The following AR variants were observed in gnomAD, a reference collection of about 807,000 sequenced individuals.
The protein encoded by AR is androgen receptor.
A neutral mutation model predicts 53.9 loss-of-function variants in AR; 8 were observed. The ratio of observed to expected loss-of-function variants is 0.15; its 90% CI spans 0.09 to 0.27. The LOEUF is 0.27. Ranked by LOEUF, AR falls within the 10% of genes least tolerant of loss-of-function variation. The pLI, the probability that AR is intolerant of heterozygous loss-of-function variation, is 1.00. For synonymous variants in AR, 359 were observed against 316.4 expected, an observed-to-expected ratio of 1.13 and a Z score of -1.43; for missense variants, 639 against 742.5, an observed-to-expected ratio of 0.86 and a Z score of 1.62.
intron 3 of AR, among the ~76,000 whole-genome samples, chrX:67,691,678 A>G (rs916555088): frequency 1.5e-4 from 17 of 112,183 alleles, no homozygotes; most frequent in African/African-American, 5.5e-4. Flanking sequence ...AGCTCAGGTC[A>G]TCATTTTGCA....
chrX:67,651,204 CTTT>C (rs60224900), intron 2 of AR, among the ~76,000 whole-genome samples: 18 of 93,530 alleles, frequency 1.9e-4, no homozygotes, highest in Non-Finnish European at 3.8e-4. Flanking sequence ...CCACACCCAG[CTTT>C]TTTTTTTTTT....
At chrX:67,678,834 C>T (rs1002865885) in intron 2 of AR, among the ~76,000 whole-genome samples, 1 of 111,259 alleles carries the variant, frequency 9.0e-6, no homozygotes, top group Non-Finnish European at 1.9e-5. Flanking sequence ...AAGTCAAACT[C>T]ATAGAAGCAG....
intron 1 of AR, among the ~76,000 whole-genome samples, chrX:67,623,497 A>G (rs1341248568): frequency 2.7e-5 from 3 of 111,962 alleles, no homozygotes; most frequent in Non-Finnish European, 5.6e-5. Context: ...AAGCTAAAGC[A>G]GTACTTAAAG....
intron 2 of AR, among the ~76,000 whole-genome samples, chrX:67,663,051 A>G (rs1384765438): frequency 9.0e-6 from 1 of 111,682 alleles, no homozygotes; most frequent in Non-Finnish European, 1.9e-5. Flanking sequence ...TGAATACAGC[A>G]CACTGATGGG....
At chrX:67,716,327 T>G (rs760813700) in intron 4 of AR, among the ~76,000 whole-genome samples, 3 of 112,259 alleles carry the variant, frequency 2.7e-5, no homozygotes, top group South Asian at 3.7e-4. Context: ...AAGAAGAATC[T>G]TTAAGCCTTC....
chrX:67,553,730 T>C (rs1366282304), intron 1 of AR, among the ~76,000 whole-genome samples: 2 of 112,550 alleles, frequency 1.8e-5, no homozygotes, highest in South Asian at 3.6e-4. Context: ...TTGTCAACAA[T>C]TTTTATTGTT....
chrX:67,555,397 A>G (rs1569268022), intron 1 of AR, among the ~76,000 whole-genome samples: 1 of 112,157 alleles, frequency 8.9e-6, no homozygotes, highest in East Asian at 2.8e-4. Context: ...ATTTCTGCTT[A>G]TTCAATAGTG....
intron 2 of AR, among the ~76,000 whole-genome samples, chrX:67,671,884 G>A (rs564896715): frequency 3.9e-4 from 44 of 111,594 alleles, no homozygotes; most frequent in African/African-American, 1.4e-3. Context: ...TTTTTGTCAA[G>A]TTTGTCAAAG....
intron 7 of AR, among the ~76,000 whole-genome samples, chrX:67,723,353 T>TGTGTGTGTGTGA (rs2076144721): frequency 4.2e-5 from 4 of 95,044 alleles, no homozygotes; most frequent in African/African-American, 1.8e-4. Context: ...TGTGTGTGTG[T>TGTGTGTGTGTGA]CAGAGAGAGA....
intron 1 of AR, among the ~76,000 whole-genome samples, chrX:67,577,156 C>A (rs1346439236): frequency 1.8e-5 from 2 of 109,535 alleles, no homozygotes. Flanking sequence ...TAGGCAAGCA[C>A]AAATGTACTT....
intron 2 of AR, among the ~76,000 whole-genome samples, chrX:67,678,430 A>C (rs186739463): frequency 6.2e-5 from 7 of 112,317 alleles, no homozygotes; most frequent in Admixed American, 4.7e-4. Flanking sequence ...TTCACTTAGC[A>C]TAATGTCTTC....
At position 67,714,443 on chromosome X, in the gene AR, A is replaced by G. The variant is rs2147527745; in HGVS notation, c.2173+2754A>G. ...ATTTTAGCTACCACTTGCCTTGCCT[A>G]GAAGCTCATGCATGGACCCCAAGGT... On this transcript the variant is annotated intron_variant, in intron 4 of 7. Coordinates refer to ENST00000374690, the MANE Select transcript of AR (RefSeq NM_000044.6). Among the ~76,000 whole-genome samples, 2 of 111,931 alleles carry G rather than the reference A, an allele frequency of 1.8e-5. 1 individual carries two copies. Among genetic ancestry groups the G allele is most frequent in the Admixed American group, 1.9e-4 (2 of 10,502 alleles).
At chrX:67,636,549 C>A (rs1451893530) in intron 1 of AR, among the ~76,000 whole-genome samples, 1 of 111,519 alleles carries the variant, frequency 9.0e-6, no homozygotes. Context: ...AATTATTTTT[C>A]TCCTGTCAGT....
intron 1 of AR, among the ~76,000 whole-genome samples, chrX:67,631,634 T>C: frequency 8.9e-6 from 1 of 112,722 alleles, no homozygotes; most frequent in Middle Eastern, 4.6e-3. Context: ...CCTTCTTCTC[T>C]CATCTCATCA....
intron 3 of AR, among the ~76,000 whole-genome samples, chrX:67,691,663 C>T (rs991246746): frequency 2.7e-5 from 3 of 111,982 alleles, no homozygotes; most frequent in African/African-American, 9.7e-5. Context: ...AATACCTATA[C>T]CTCTAGCTCA....
chrX:67,670,810 C>G (rs1296017018), intron 2 of AR, among the ~76,000 whole-genome samples: 3 of 110,532 alleles, frequency 2.7e-5, no homozygotes, highest in Non-Finnish European at 5.7e-5. Context: ...TCCATGTGTT[C>G]TCATTGTTCA....
rs768469314 is a variant in AR, at chrX:67,627,710, C to A, written c.1617-15546C>A. Among the ~76,000 whole-genome samples the A allele has an allele frequency of 4.5e-5, 5 of 111,678 alleles. No homozygotes were observed. In the South Asian group the frequency reaches 1.9e-3, roughly 42 times the overall value. On this transcript the variant is annotated intron_variant, in intron 1 of 7. Coordinates refer to ENST00000374690, the MANE Select transcript of AR (RefSeq NM_000044.6). ...GGTGTTTTAGACATGAAGTCCTTGC[C>A]CATGCCTATGTCCTGAATGGTAATG...
At chrX:67,576,159 G>C (rs1174283721) in intron 1 of AR, among the ~76,000 whole-genome samples, 3 of 111,049 alleles carry the variant, frequency 2.7e-5, no homozygotes, top group Non-Finnish European at 5.7e-5. Flanking sequence ...ACATGGGTGT[G>C]CTTCCATGTC....
At position 67,680,630 on chromosome X, in the gene AR, A is replaced by G. The variant is rs754728470; in HGVS notation, c.1769-5380A>G. On this transcript the variant is annotated intron_variant, in intron 2 of 7. Coordinates refer to ENST00000374690, the MANE Select transcript of AR (RefSeq NM_000044.6). ...AGGATTCTCTGTAGGTTAACAATGA[A>G]GATGATGACTCAACCCTTTCTTTGT... 4.1e-5 allele frequency: 13 copies of G among 319,653 alleles called. No individual in the cohort carries two copies. In the East Asian group the frequency reaches 1.2e-3, roughly 29 times the overall value. 26.3% of individuals were successfully genotyped at this position (319,653 alleles called of 1,213,427 possible). A position where few individuals can be genotyped will look rare whatever the true frequency, so the allele number is the denominator to read the frequency against.
Sources: allele counts gnomAD v4.1 joint callset (sites outside exome capture counted in the v4.1 genomes callset), GRCh38; gene constraint gnomAD v4.1.1; transcripts MANE v1.5; gene names NCBI Gene and HGNC (gene_info 2026-07-23, HGNC 2026-07-21).